The following MIA2 variants were observed in gnomAD, a reference collection of about 807,000 sequenced individuals.
MIA2 encodes melanoma inhibitory activity protein 2.
Under a neutral mutation model 167.8 loss-of-function variants are expected in MIA2, and 127 were observed. That is an observed-to-expected ratio of 0.76 (90% CI 0.66 to 0.88). The LOEUF (loss-of-function observed/expected upper bound fraction) is 0.88, where lower values mean the gene tolerates loss of function less well. Among genes scored for constraint, MIA2 ranks in the 40% least tolerant of loss-of-function variants. MIA2 has a pLI of 0.00. For missense variants in MIA2, 1,690 were observed against 1,624.7 expected, an observed-to-expected ratio of 1.04 and a Z score of -0.69; for synonymous variants, 552 against 541.9, an observed-to-expected ratio of 1.02 and a Z score of -0.26.
At chr14:39,257,471 G>A (rs912941964) in intron 6 of MIA2, among the ~76,000 whole-genome samples, 1 of 151,784 alleles carries the variant, frequency 6.6e-6, no homozygotes, top group Middle Eastern at 3.4e-3. Flanking sequence ...TTGAGCCTAT[G>A]TGTGTCTTTG....
At chr14:39,327,618 G>A (rs1021023537) in intron 25 of MIA2, among the ~76,000 whole-genome samples, 1 of 82,394 alleles carries the variant, frequency 1.2e-5, no homozygotes, top group African/African-American at 4.2e-5. Context: ...ATCCTCCCCT[G>A]GCCCCCCACC....
intron 12 of MIA2, 54 bp downstream of exon 12, chr14:39,294,125 AT>A: frequency 7.9e-7 from 1 of 1,259,886 alleles, no homozygotes; most frequent in Non-Finnish European, 1.1e-6. Context: ...TTTTAGTTTA[AT>A]TTTTTAAAAT....
At chr14:39,236,304 C>T (rs1402721234) in intron 1 of MIA2, among the ~76,000 whole-genome samples, 1 of 152,028 alleles carries the variant, frequency 6.6e-6, no homozygotes, top group Non-Finnish European at 1.5e-5. Context: ...ATGACTTAAG[C>T]ATGAAGGGGG....
intron 23 of MIA2, among the ~76,000 whole-genome samples, chr14:39,378,885 A>C (rs2075097821): frequency 6.6e-6 from 1 of 152,244 alleles, no homozygotes; most frequent in African/African-American, 2.4e-5. Flanking sequence ...AAAGAGTTTA[A>C]AATACTTGAT....
chr14:39,255,376 C>T (rs1052409287), intron 6 of MIA2, among the ~76,000 whole-genome samples: 3 of 152,020 alleles, frequency 2.0e-5, no homozygotes, highest in South Asian at 2.1e-4. Context: ...GGCGTGGTGG[C>T]GCGCATCTAT....
At chr14:39,278,849 C>T (rs1301527651) in intron 7 of MIA2, among the ~76,000 whole-genome samples, 3 of 152,094 alleles carry the variant, frequency 2.0e-5, no homozygotes, top group African/African-American at 4.8e-5. Flanking sequence ...TGTGAATCTT[C>T]AATAGGGAGT....
At chr14:39,340,241 T>C (rs1357494902) in intron 25 of MIA2, among the ~76,000 whole-genome samples, 1 of 152,214 alleles carries the variant, frequency 6.6e-6, no homozygotes, top group Non-Finnish European at 1.5e-5. Flanking sequence ...GCTTATCTTT[T>C]ACTGATTTGG....
chr14:39,382,124 G>A (rs1304836277), intron 23 of MIA2, among the ~76,000 whole-genome samples: 3 of 152,166 alleles, frequency 2.0e-5, no homozygotes, highest in African/African-American at 4.8e-5. Flanking sequence ...GCTCTCCATC[G>A]TCAGGGAAGC....
rs534660300 is a variant in MIA2 at position 39,284,763 on chromosome 14, T to A, written c.2130+5226T>A. On this transcript the variant is annotated intron_variant, in intron 9 of 28. Coordinates refer to ENST00000640607, the MANE Select transcript of MIA2 (RefSeq NM_001329214.4). Reference sequence around the variant, plus strand: ...TTCTTTTTTTTTCTTTTTTTTATTTTTTTTTTATTGATCATTCTTGGGTGT... The same window carrying A: ...TTCTTTTTTTTTCTTTTTTTTATTTATTTTTTATTGATCATTCTTGGGTGT... Among the ~76,000 whole-genome samples the A allele has an allele frequency of 2.5e-4, 38 of 152,072 alleles. 1 individual carries two copies. The highest frequency in any genetic ancestry group is 1.7e-3 in the South Asian group (8 of 4,824).
chr14:39,320,872 CTG>C, intron 23 of MIA2, 54 bp from the exon 24 acceptor site: 8 of 1,577,216 alleles, frequency 5.1e-6, no homozygotes, highest in Non-Finnish European at 6.9e-6. Context: ...GATTCTAACT[CTG>C]TAGTGTAGCT....
At chr14:39,334,440 A>G (rs1412034911) in intron 25 of MIA2, among the ~76,000 whole-genome samples, 1 of 150,580 alleles carries the variant, frequency 6.6e-6, no homozygotes, top group Non-Finnish European at 1.5e-5. Context: ...GCGCCACTGC[A>G]CTCTAGTCTG....
At chr14:39,305,435 G>C (rs192880098) in intron 17 of MIA2, among the ~76,000 whole-genome samples, 56 of 152,212 alleles carry the variant, frequency 3.7e-4, no homozygotes, top group African/African-American at 1.3e-3. Context: ...GCAAATCTTT[G>C]TTTCTTTCTT....
At chr14:39,290,410 A>G (rs759804105) in intron 9 of MIA2, among the ~76,000 whole-genome samples, 2 of 151,978 alleles carry the variant, frequency 1.3e-5, no homozygotes, top group Non-Finnish European at 2.9e-5. Flanking sequence ...CTTCAATTTG[A>G]TCACTTTTTT....
At chr14:39,282,013 A>T (rs2059022089) in intron 9 of MIA2, among the ~76,000 whole-genome samples, 1 of 152,056 alleles carries the variant, frequency 6.6e-6, no homozygotes. Context: ...TATTTTAATG[A>T]CTACTGCATT....
chr14:39,281,995 T>A (rs912042367), intron 9 of MIA2, among the ~76,000 whole-genome samples: 1 of 152,208 alleles, frequency 6.6e-6, no homozygotes, highest in Non-Finnish European at 1.5e-5. Flanking sequence ...CCGACAAATA[T>A]GCTTTCTTAT....
intron 25 of MIA2, among the ~76,000 whole-genome samples, chr14:39,339,681 A>G (rs1298870316): frequency 2.0e-5 from 3 of 152,178 alleles, no homozygotes; most frequent in East Asian, 3.8e-4. Context: ...GCTCTGTCCA[A>G]TAGAGCTTTC....
At chr14:39,287,725 G>A (rs2060015387) in intron 9 of MIA2, among the ~76,000 whole-genome samples, 2 of 151,964 alleles carry the variant, frequency 1.3e-5, no homozygotes, top group African/African-American at 2.4e-5. Context: ...ACCATGGCTG[G>A]CTAATTTTTT....
At chr14:39,311,215 CCTT>C (rs895478982) in intron 18 of MIA2, among the ~76,000 whole-genome samples, 6 of 152,074 alleles carry the variant, frequency 3.9e-5, no homozygotes, top group African/African-American at 1.4e-4. Context: ...TTTTACATTT[CCTT>C]CTTATATTTA....
chr14:39,279,563 C>A, intron 9 of MIA2, 26 bp downstream of exon 9: 1 of 1,455,208 alleles, frequency 6.9e-7, no homozygotes, highest in Non-Finnish European at 9.5e-7. Flanking sequence ...AAATAATATT[C>A]ATGTTAGAGT....
Sources: gnomAD v4.1 joint callset for allele counts (sites outside exome capture counted in the v4.1 genomes callset) on GRCh38, gnomAD v4.1.1 for gene constraint, MANE v1.5 for transcripts, NCBI Gene and HGNC (gene_info 2026-07-23, HGNC 2026-07-21) for gene names.